Variants in NIPAL1 observed in about 807,000 individuals in gnomAD.
NIPAL1 encodes the protein magnesium transporter NIPA3.
Under a neutral mutation model 37.7 loss-of-function variants are expected in NIPAL1, and 35 were observed. The observed-to-expected ratio is 0.93, with a 90% CI of 0.71 to 1.23. The LOEUF (loss-of-function observed/expected upper bound fraction) is 1.23. Among genes scored for constraint, NIPAL1 ranks in the 50% most tolerant of loss-of-function variants. NIPAL1 has a pLI of 0.00. For synonymous variants in NIPAL1, 162 were observed against 183.0 expected, an observed-to-expected ratio of 0.89 and a Z score of 0.93; for missense variants, 412 against 473.9, an observed-to-expected ratio of 0.87 and a Z score of 1.21.
chr4:48,017,696 G>C lies in NIPAL1; in HGVS notation c.46+811G>C, dbSNP rs542510537. Among the ~76,000 whole-genome samples the C allele has an allele frequency of 7.9e-5, 12 of 152,258 alleles. No individual in the cohort carries two copies. The East Asian group carries it at 2.1e-3, about 27-fold the overall frequency. On this transcript the variant is annotated intron_variant, in intron 1 of 5. Coordinates refer to ENST00000295461, the MANE Select transcript of NIPAL1 (RefSeq NM_207330.3). Reference sequence around the variant, plus strand: ...CCGATAAAAGTAGGGAAGGGGGTAGGGGGAGCGACTGGAAGGATGTAGATA... The same window carrying C: ...CCGATAAAAGTAGGGAAGGGGGTAGCGGGAGCGACTGGAAGGATGTAGATA...
intron 2 of NIPAL1, among the ~76,000 whole-genome samples, chr4:48,026,772 A>G (rs6811245): frequency 0.33 from 50,388 of 151,232 alleles, 8,642 homozygotes; most frequent in South Asian, 0.48. Flanking sequence ...AGGCTGGAGT[A>G]CAGTGGCATG....
intron 1 of NIPAL1, among the ~76,000 whole-genome samples, chr4:48,018,781 C>A (rs1306106889): frequency 6.6e-6 from 1 of 152,188 alleles, no homozygotes; most frequent in Non-Finnish European, 1.5e-5. Context: ...TGCTCTCAGG[C>A]ACCTTACTGT....
intron 3 of NIPAL1, among the ~76,000 whole-genome samples, chr4:48,031,054 G>GT (rs981913983): frequency 1.3e-5 from 2 of 151,808 alleles, no homozygotes; most frequent in Non-Finnish European, 1.5e-5. Flanking sequence ...TTTTTTTGGG[G>GT]TTTTTTTGTT....
chr4:48,023,580 T>C (rs2109366415), intron 1 of NIPAL1, among the ~76,000 whole-genome samples: 1 of 152,356 alleles, frequency 6.6e-6, no homozygotes, highest in Admixed American at 6.5e-5. Flanking sequence ...TTGCCATTTT[T>C]AAAGGAAAGA....
intron 1 of NIPAL1, among the ~76,000 whole-genome samples, chr4:48,023,145 A>G (rs1438975655): frequency 6.6e-6 from 1 of 151,884 alleles, no homozygotes; most frequent in Non-Finnish European, 1.5e-5. Flanking sequence ...CCGGGGCTCA[A>G]GCAAACCTCT....
intron 1 of NIPAL1, among the ~76,000 whole-genome samples, chr4:48,021,310 G>GATT (rs61078196): frequency 0.32 from 49,247 of 151,956 alleles, 8,263 homozygotes; most frequent in South Asian, 0.48. Context: ...TTGAGTCAAA[G>GATT]TCCCTCATTT....
chr4:48,031,273 C>A (rs1366433328), intron 3 of NIPAL1, among the ~76,000 whole-genome samples: 1 of 152,156 alleles, frequency 6.6e-6, no homozygotes, highest in Non-Finnish European at 1.5e-5. Context: ...CCATGTTGGC[C>A]AGGCTGGTCT....
chr4:48,031,768 C>A lies in NIPAL1; in HGVS notation c.371-1225C>A, dbSNP rs111587230. 3.6e-4 allele frequency among the ~76,000 whole-genome samples: 55 copies of A among 152,198 alleles called. 1 individual carries two copies. The highest frequency in any genetic ancestry group is 1.2e-3 in the African/African-American group (48 of 41,532). ...CCACGGTTTTTTTTAGACAGAGTCT[C>A]GCTCTTGTCGTCCAGGCTGGAGTGC... On this transcript the variant is annotated intron_variant, in intron 3 of 5. Coordinates refer to ENST00000295461, the MANE Select transcript of NIPAL1 (RefSeq NM_207330.3).
Position 48,026,724 on chromosome 4 carries a change from T to TAA in NIPAL1, c.313+1390_313+1391insAA, listed in dbSNP as rs1560323437. 3.3e-3 allele frequency among the ~76,000 whole-genome samples: 493 copies of TAA among 151,096 alleles called. 5 individuals are homozygous for TAA. The highest frequency in any genetic ancestry group is 0.011 in the African/African-American group (441 of 41,290). ...AGAATTTAATTTAAAAATAAAATTT[T>TAA]TTTTTTTTTTTTCAGACGGGGCTTT... On this transcript the variant is annotated intron_variant, in intron 2 of 5. Coordinates refer to ENST00000295461, the MANE Select transcript of NIPAL1 (RefSeq NM_207330.3).
intron 1 of NIPAL1, among the ~76,000 whole-genome samples, chr4:48,020,927 A>G (rs1203426695): frequency 3.9e-5 from 6 of 152,200 alleles, no homozygotes; most frequent in Admixed American, 1.3e-4. Flanking sequence ...TCCATGTAAT[A>G]AACTGGATAA....
Position 48,026,967 on chromosome 4 carries a change from C to A in NIPAL1, c.313+1633C>A, listed in dbSNP as rs573913489. 4.1e-4 allele frequency among the ~76,000 whole-genome samples: 62 copies of A among 151,996 alleles called. 2 individuals carry two copies. The East Asian group carries it at 6.6e-3, about 16-fold the overall frequency. The stretch of plus-strand genomic sequence containing the variant: ...TCCTGACCTCAGATGATCCGCCCGC[C>A]TCGGCCTCCCAAAGTGCTGGGATTA... On this transcript the variant is annotated intron_variant, in intron 2 of 5. Transcript: ENST00000295461.
intron 1 of NIPAL1, among the ~76,000 whole-genome samples, chr4:48,021,952 T>C (rs1715580174): frequency 6.6e-6 from 1 of 151,888 alleles, no homozygotes; most frequent in Admixed American, 6.6e-5. Flanking sequence ...TTTAGAAAAA[T>C]AACATCAAAG....
Position 48,036,487 on chromosome 4 carries a change from T to C in NIPAL1, c.*315T>C, listed in dbSNP as rs1395722111. 6.4e-6 allele frequency: 2 copies of C among 312,722 alleles called. No individual in the cohort carries two copies. The highest frequency in any genetic ancestry group is 4.5e-5 in the African/African-American group (2 of 44,142). 19.4% of individuals were successfully genotyped at this position (312,722 alleles called of 1,614,324 possible). A position where few individuals can be genotyped will look rare whatever the true frequency, so the allele number is the denominator to read the frequency against. Reference sequence around the variant, plus strand: ...GCCAGGTGGCTCTTCATTTCTTTGGTAGCTATTTTTAGACTTACAGTCATT... The same window carrying C: ...GCCAGGTGGCTCTTCATTTCTTTGGCAGCTATTTTTAGACTTACAGTCATT... On this transcript the variant is annotated 3_prime_UTR_variant, in exon 6 of 6. Coordinates refer to ENST00000295461, the MANE Select transcript of NIPAL1 (RefSeq NM_207330.3).
chr4:48,035,744 CCAGTTTACAAACA>C lies in NIPAL1; in HGVS notation c.806_818del (p.Pro269LeufsTer15), dbSNP rs1219733249. On this transcript the variant is annotated frameshift_variant, in exon 6 of 6. Transcript: ENST00000295461. LOFTEE classifies it high-confidence loss of function. ...CATTAAGGAGCTGATAGAATGGAAG[CCAGTTTACAAACA>C]TCCGCTGGTCTTTGTTTTGCTGGCT... 1.2e-6 allele frequency: 2 copies of C among 1,614,156 alleles called. No homozygotes were observed. The highest frequency in any genetic ancestry group is 2.7e-5 in the African/African-American group (2 of 75,066).
At position 48,030,161 on chromosome 4, in the gene NIPAL1, G is replaced by T; in HGVS notation, c.355G>T (p.Val119Leu). The T allele has an allele frequency of 2.5e-6, 4 of 1,598,316 alleles. No individual in the cohort carries two copies. The highest frequency in any genetic ancestry group is 3.4e-6 in the Non-Finnish European group (4 of 1,166,176). Residue 119 changes from valine to leucine, a missense_variant, in exon 3 of 6, where the codon GTA becomes TTA. Transcript: ENST00000295461. Reference protein sequence around the residue: ...HSYLKEWLWWVGLLSMGAGEA... With the variant: ...HSYLKEWLWWLGLLSMGAGEA... ...TTACCTGAAGGAATGGCTCTGGTGG[G>T]TAGGATTGCTGTCAAGTAAGTTTTT... is the stretch of plus-strand genomic sequence containing the variant.
rs758275287 is a variant in NIPAL1, at chr4:48,032,995, G to C, written c.373G>C (p.Gly125Arg). The stretch of plus-strand genomic sequence containing the variant: ...CAATATCTCTGCTTGCTTTCTAGTG[G>C]GAGCAGGAGAGGCTGCAAATTTTGC... ...WLWWVGLLSM[G>R]AGEAANFAAY... The change falls in exon 4 of 6, where the codon GGA becomes CGA. Residue 125 changes from glycine (G) to arginine (R), a missense_variant and splice_region_variant. Physicochemically the swap from Gly to Arg is moderately radical, Grantham distance 125 (BLOSUM62 -2). Transcript: ENST00000295461. 1.9e-6 allele frequency: 3 copies of C among 1,610,712 alleles called. No homozygotes were observed. In the South Asian group the frequency reaches 3.3e-5, roughly 18 times the overall value.
At chr4:48,024,935 T>TG in intron 1 of NIPAL1, 133 bp from the exon 2 acceptor site, 1 of 728,222 alleles carries the variant, frequency 1.4e-6, no homozygotes, top group East Asian at 2.5e-5. Flanking sequence ...GTGGGCCACC[T>TG]GTTAGCGACT....
Position 48,037,492 on chromosome 4 carries a change from A to G in NIPAL1, c.*1320A>G, listed in dbSNP as rs1204459345. 1.1e-5 allele frequency: 2 copies of G among 181,032 alleles called. No individual in the cohort carries two copies. Among genetic ancestry groups the G allele is most frequent in the African/African-American group, 4.8e-5 (2 of 41,966 alleles). The allele number at this position is 181,032 out of a possible 1,614,324, so 11.2% of individuals were successfully genotyped here. A position where few individuals can be genotyped will look rare whatever the true frequency, so the allele number is the denominator to read the frequency against. On this transcript the variant is annotated 3_prime_UTR_variant, in exon 6 of 6. Transcript: ENST00000295461. ...TATCCTACATTTCGATTGCTCTCAA[A>G]TGTTTTATCCCTAAAGAGTGAGTTT...
At chr4:48,017,692 G>A (rs1397272819) in intron 1 of NIPAL1, among the ~76,000 whole-genome samples, 1 of 152,168 alleles carries the variant, frequency 6.6e-6, no homozygotes, top group Non-Finnish European at 1.5e-5. Flanking sequence ...AGGGAAGGGG[G>A]TAGGGGGAGC....
Sources: allele counts gnomAD v4.1 joint callset (sites outside exome capture counted in the v4.1 genomes callset), GRCh38; gene constraint gnomAD v4.1.1; transcripts MANE v1.5; gene names NCBI Gene and HGNC (gene_info 2026-07-23, HGNC 2026-07-21).